The following NDUFV2 variants were observed in gnomAD, a reference collection of about 807,000 sequenced individuals.
NDUFV2 encodes the protein NADH:ubiquinone oxidoreductase core subunit V2.
A neutral mutation model predicts 31.6 loss-of-function variants in NDUFV2; 18 were observed. The observed-to-expected ratio is 0.57, with a 90% confidence interval of 0.39 to 0.84. The LOEUF is 0.84. Among genes scored for constraint, NDUFV2 ranks in the 40% least tolerant of loss-of-function variants. The probability of loss-of-function intolerance (pLI) is 0.00; values close to 1 mark genes in which losing one functional copy is unlikely to be tolerated. For synonymous variants in NDUFV2, 83 were observed against 99.8 expected, an observed-to-expected ratio of 0.83 and a Z score of 1.01; for missense variants, 314 against 303.6, an observed-to-expected ratio of 1.03 and a Z score of -0.26.
intron 7 of NDUFV2, among the ~76,000 whole-genome samples, chr18:9,128,956 G>C (rs1288589022): frequency 6.6e-6 from 1 of 152,004 alleles, no homozygotes; most frequent in Admixed American, 6.6e-5. Flanking sequence ...CCCCTCACCC[G>C]AGATGGAGTC....
intron 4 of NDUFV2, among the ~76,000 whole-genome samples, chr18:9,120,637 T>A (rs1352351305): frequency 2.7e-5 from 4 of 149,294 alleles, no homozygotes; most frequent in Admixed American, 1.4e-4. Flanking sequence ...TTATTGATAT[T>A]TTATTTTATT....
Position 9,124,975 on chromosome 18 carries a change from A to T in NDUFV2, c.571A>T (p.Asn191Tyr). 6.2e-7 allele frequency: 1 copy of T among 1,613,460 alleles called. No individual in the cohort carries two copies. Among genetic ancestry groups the T allele is most frequent in the Middle Eastern group, 1.7e-4 (1 of 6,056 alleles). ...CGCACCAATGGTTCAAATAAATGAC[A>T]ATTACTATGTGAGTATTTCAGGTAA... ...VNAPMVQIND[N>Y]YYEDLTAKDI... Residue 191 changes from asparagine (N) to tyrosine (Y), a missense_variant, in exon 6 of 8, where the codon AAT becomes TAT. By Grantham distance (143) the Asn-to-Tyr change is moderately radical. Transcript: ENST00000318388.
At position 9,126,781 on chromosome 18, in the gene NDUFV2, G is replaced by T. The variant is rs374614116; in HGVS notation, c.580-50G>T. On this transcript the variant is annotated intron_variant, in intron 6 of 7. Transcript: ENST00000318388. Reference sequence around the variant, plus strand: ...GAGACCTTGTCTCTATAAATATATCGATATAAAAGAAAGTAATTTAAATAT... The same window carrying T: ...GAGACCTTGTCTCTATAAATATATCTATATAAAAGAAAGTAATTTAAATAT... The T allele has an allele frequency of 3.0e-5, 44 of 1,463,232 alleles. No homozygotes were observed. The African/African-American group carries it at 4.6e-4, about 15-fold the overall frequency. 90.6% of individuals were successfully genotyped at this position (1,463,232 alleles called of 1,614,324 possible). A position where few individuals can be genotyped will look rare whatever the true frequency, so the allele number is the denominator to read the frequency against.
intron 1 of NDUFV2, among the ~76,000 whole-genome samples, chr18:9,106,363 A>G (rs190487880): frequency 1.3e-5 from 2 of 152,312 alleles, no homozygotes; most frequent in East Asian, 3.9e-4. Flanking sequence ...GTTGTTCCCC[A>G]GTGCCTTCAG....
At chr18:9,131,808 AT>A (rs1426942608) in intron 7 of NDUFV2, among the ~76,000 whole-genome samples, 1 of 152,148 alleles carries the variant, frequency 6.6e-6, no homozygotes, top group Admixed American at 6.6e-5. Context: ...ATTAGATGGC[AT>A]TTTAAGCATG....
intron 7 of NDUFV2, among the ~76,000 whole-genome samples, chr18:9,133,722 C>T (rs535752510): frequency 3.9e-5 from 6 of 152,270 alleles, no homozygotes; most frequent in African/African-American, 1.4e-4. Context: ...AAATAAAATT[C>T]AACTCTAAAA....
chr18:9,117,186 G>A (rs1480441551), intron 1 of NDUFV2, among the ~76,000 whole-genome samples: 2 of 151,936 alleles, frequency 1.3e-5, no homozygotes, highest in African/African-American at 2.4e-5. Context: ...ACCAGCGTGC[G>A]CCACCACGCC....
At chr18:9,126,709 A>T (rs1019195523) in intron 6 of NDUFV2, 122 bp from the exon 7 acceptor site, 1 of 816,434 alleles carries the variant, frequency 1.2e-6, no homozygotes, top group East Asian at 2.8e-5. Flanking sequence ...CTGAGGTAGG[A>T]GGATTGCTTA....
intron 7 of NDUFV2, among the ~76,000 whole-genome samples, chr18:9,132,600 G>C (rs2078049468): frequency 6.6e-6 from 1 of 152,134 alleles, no homozygotes; most frequent in Admixed American, 6.6e-5. Context: ...TTACAGGCCG[G>C]GCACAGTGGC....
rs1568192974 is a variant in NDUFV2, at chr18:9,122,561, A to G, written c.349A>G (p.Thr117Ala). 6.2e-7 allele frequency: 1 copy of G among 1,614,022 alleles called. No individual in the cohort carries two copies. The highest frequency in any genetic ancestry group is 8.5e-7 in the Non-Finnish European group (1 of 1,179,930). The change falls in exon 5 of 8, where the codon ACT (threonine) becomes GCT (alanine). Residue 117 changes from threonine (T) to alanine (A), a missense_variant. By Grantham distance (58) the Thr-to-Ala change is moderately conservative (BLOSUM62 0). Transcript: ENST00000318388. ...VPPMRVYEVATFYTMYNRKPV... is the reference protein window; with the variant it reads ...VPPMRVYEVAAFYTMYNRKPV... ...TCCAATGAGAGTATATGAAGTAGCA[A>G]CTTTTTATACAATGTATAATCGAAA...
chr18:9,114,328 T>C (rs1054168027), intron 1 of NDUFV2, among the ~76,000 whole-genome samples: 1 of 152,132 alleles, frequency 6.6e-6, no homozygotes, highest in Admixed American at 6.6e-5. Context: ...AAAATAATTA[T>C]GTGCAAATGC....
chr18:9,127,686 T>C (rs549203615), intron 7 of NDUFV2, among the ~76,000 whole-genome samples: 1 of 152,234 alleles, frequency 6.6e-6, no homozygotes, highest in South Asian at 2.1e-4. Context: ...TTAGCCAGGA[T>C]GGTCTCCGAT....
At chr18:9,124,824 T>A in intron 5 of NDUFV2, 50 bp from the exon 6 acceptor site, 1 of 1,509,826 alleles carries the variant, frequency 6.6e-7, no homozygotes, top group Non-Finnish European at 9.0e-7. Context: ...TTAAACCAAA[T>A]GACTATTAAA....
chr18:9,129,317 C>G (rs915893934), intron 7 of NDUFV2, among the ~76,000 whole-genome samples: 1 of 152,128 alleles, frequency 6.6e-6, no homozygotes, highest in African/African-American at 2.4e-5. Context: ...TAGTATTACT[C>G]TCCTGCCACA....
intron 7 of NDUFV2, chr18:9,133,473 G>A (rs953009647): frequency 2.6e-5 from 4 of 152,254 alleles, no homozygotes; most frequent in African/African-American, 9.7e-5. Context: ...ATCAGGACTT[G>A]TTCTTGTTTG....
chr18:9,131,111 C>G (rs140814741), intron 7 of NDUFV2, among the ~76,000 whole-genome samples: 1 of 152,124 alleles, frequency 6.6e-6, no homozygotes, highest in Non-Finnish European at 1.5e-5. Flanking sequence ...TATATACTGA[C>G]TGTATTCTTA....
At position 9,124,919 on chromosome 18, in the gene NDUFV2, T is replaced by G. The variant is rs138472116; in HGVS notation, c.515T>G (p.Ile172Arg). 3 of 1,613,278 alleles carry G rather than the reference T, an allele frequency of 1.9e-6. No individual in the cohort carries two copies. The highest frequency in any genetic ancestry group is 2.5e-6 in the Non-Finnish European group (3 of 1,179,614). The change falls in exon 6 of 8, where the codon ATA becomes AGA. Residue 172 changes from isoleucine (I) to arginine (R), a missense_variant. Coordinates refer to ENST00000318388, the MANE Select transcript of NDUFV2 (RefSeq NM_021074.5). ...ETTPDKLFTL[I>R]EVECLGACVN... ...ACACCTGACAAACTTTTCACTCTTA[T>G]AGAAGTGGAATGTTTAGGGGCCTGT...
At position 9,134,144 on chromosome 18, in the gene NDUFV2, A is replaced by G. The variant is rs779533339; in HGVS notation, c.657-42A>G. On this transcript the variant is annotated intron_variant, in intron 7 of 7. Transcript: ENST00000318388. ...CATTACAATTTAAGTAAAAATTTAC[A>G]AATGTTAATCATTAATAGTTTAATA... 2.7e-6 allele frequency: 4 copies of G among 1,490,978 alleles called. No homozygotes were observed. In the South Asian group the frequency reaches 3.4e-5, roughly 13 times the overall value. The allele number at this position is 1,490,978 out of a possible 1,614,324, so 92.4% of individuals were successfully genotyped here.
chr18:9,108,939 C>T (rs912769412), intron 1 of NDUFV2, among the ~76,000 whole-genome samples: 1 of 152,174 alleles, frequency 6.6e-6, no homozygotes, highest in Admixed American at 6.5e-5. Flanking sequence ...GATCCACCTG[C>T]CTCGGCTCTC....
Sources: gnomAD v4.1 joint callset for allele counts (sites outside exome capture counted in the v4.1 genomes callset) on GRCh38, gnomAD v4.1.1 for gene constraint, MANE v1.5 for transcripts, NCBI Gene and HGNC (gene_info 2026-07-23, HGNC 2026-07-21) for gene names.